MACF1: variants seen among roughly 807,000 people sequenced by gnomAD.
MACF1 encodes the protein microtubule-actin cross-linking factor 1.
Under a neutral mutation model 854.8 loss-of-function variants are expected in MACF1, and 193 were observed. That is an observed-to-expected ratio of 0.23 (90% CI 0.20 to 0.25). MACF1 has a LOEUF of 0.25. MACF1 is among the 10% of genes least tolerant of loss of function. The pLI is 1.00. For missense variants in MACF1, 7,722 were observed against 8,929.1 expected (o/e 0.86, Z 5.45); for synonymous variants, 3,185 against 3,226.7 (o/e 0.99, Z 0.44).
intron 88 of MACF1, 69 bp downstream of exon 88, chr1:39,453,919 T>C (rs1644385757): frequency 1.3e-6 from 2 of 1,497,724 alleles, no homozygotes; most frequent in African/African-American, 1.4e-5. Context: ...GTATAGTATT[T>C]TTCCCCCAGG....
intron 31 of MACF1, 72 bp from the exon 32 acceptor site, chr1:39,322,536 C>G: frequency 1.5e-6 from 2 of 1,301,920 alleles, no homozygotes; most frequent in Non-Finnish European, 2.2e-6. Flanking sequence ...CAATAAAAAG[C>G]TATGATTTAT....
At chr1:39,126,416 A>G (rs185221916) in intron 2 of MACF1, among the ~76,000 whole-genome samples, 1 of 152,314 alleles carries the variant, frequency 6.6e-6, no homozygotes, top group East Asian at 1.9e-4. Context: ...ATTTGTAAAG[A>G]CCCTATTTCC....
At chr1:39,355,128 T>C (rs2148508215) in intron 44 of MACF1, among the ~76,000 whole-genome samples, 1 of 152,364 alleles carries the variant, frequency 6.6e-6, no homozygotes, top group East Asian at 1.9e-4. Context: ...ACCATTGTCA[T>C]ATTTTATATT....
intron 15 of MACF1, among the ~76,000 whole-genome samples, chr1:39,288,859 A>G (rs185991298): frequency 9.8e-5 from 15 of 152,354 alleles, no homozygotes; most frequent in Middle Eastern, 6.8e-3. Context: ...CTGTTGTTCT[A>G]TCAGATGCTA....
chr1:39,146,707 G>A (rs114091382), intron 2 of MACF1, among the ~76,000 whole-genome samples: 6 of 152,034 alleles, frequency 3.9e-5, no homozygotes, highest in Non-Finnish European at 7.4e-5. Context: ...GGGAAGGGGG[G>A]ATGGGGTCAC....
intron 58 of MACF1, among the ~76,000 whole-genome samples, chr1:39,393,199 ATATATAT>A (rs1557628037): frequency 7.1e-5 from 8 of 112,896 alleles, no homozygotes; most frequent in African/African-American, 1.9e-4. Context: ...AAAAAAAAAT[ATATATAT>A]ATATATATAT....
intron 44 of MACF1, among the ~76,000 whole-genome samples, chr1:39,355,460 C>CTTTTTTTTTTTTTTTTTTTT (rs56202498): frequency 6.2e-5 from 5 of 81,054 alleles, no homozygotes; most frequent in Non-Finnish European, 8.9e-5. Context: ...TTTTCTTCTG[C>CTTTTTTTTTTTTTTTTTTTT]TTTTTTTTTT....
intron 38 of MACF1, among the ~76,000 whole-genome samples, chr1:39,338,352 G>A (rs1004060703): frequency 3.3e-5 from 5 of 151,790 alleles, no homozygotes; most frequent in Non-Finnish European, 5.9e-5. Flanking sequence ...TGGATGAGGC[G>A]ATAACTACCT....
chr1:39,276,721 T>C (rs878982290), intron 6 of MACF1, among the ~76,000 whole-genome samples: 1 of 152,344 alleles, frequency 6.6e-6, no homozygotes, highest in South Asian at 2.1e-4. Context: ...CGTTTTTGGC[T>C]ATAAATTTGT....
intron 93 of MACF1, among the ~76,000 whole-genome samples, chr1:39,462,457 C>T (rs1644573243): frequency 6.6e-6 from 1 of 151,922 alleles, no homozygotes; most frequent in African/African-American, 2.4e-5. Context: ...GTAGCTCTAG[C>T]ACTTTGGGAG....
At chr1:39,273,131 ATTT>A (rs561821846) in intron 6 of MACF1, among the ~76,000 whole-genome samples, 5 of 120,448 alleles carry the variant, frequency 4.2e-5, no homozygotes, top group Admixed American at 8.6e-5. Flanking sequence ...CTCTATACCA[ATTT>A]TTTTTTTTTT....
chr1:39,271,331 A>G (rs940273464), intron 6 of MACF1, among the ~76,000 whole-genome samples: 2 of 152,148 alleles, frequency 1.3e-5, no homozygotes, highest in East Asian at 3.9e-4. Flanking sequence ...CAGGAACGAG[A>G]GGTTGTGGGT....
chr1:39,317,374 G>A lies in MACF1; in HGVS notation c.3749G>A (p.Arg1250His), dbSNP rs748609478. 33 of 1,613,032 alleles carry A rather than the reference G, an allele frequency of 2.0e-5. No homozygotes were observed. Among genetic ancestry groups the A allele is most frequent in the African/African-American group, 2.7e-5 (2 of 74,910 alleles). The change falls in exon 29 of 101, where the codon CGT (arginine) becomes CAT (histidine). Residue 1250 changes from arginine to histidine, a missense_variant. Physicochemically the swap from Arg to His is conservative, Grantham distance 29. Transcript: ENST00000564288. ...YQEKGSQLQE[R>H]WHRVIAQLEI... is the part of the protein sequence containing the mutation. ...GAAAAAGGCTCCCAGCTGCAGGAGC[G>A]TTGGCACCGAGTCATTGCCCAGCTC...
intron 26 of MACF1, among the ~76,000 whole-genome samples, chr1:39,311,802 A>G (rs1483653492): frequency 1.3e-5 from 2 of 152,212 alleles, no homozygotes; most frequent in Non-Finnish European, 2.9e-5. Flanking sequence ...TTTCTAGAAC[A>G]TTTCTAATTA....
At chr1:39,449,923 T>C (rs1644304353) in intron 84 of MACF1, among the ~76,000 whole-genome samples, 1 of 151,788 alleles carries the variant, frequency 6.6e-6, no homozygotes, top group African/African-American at 2.4e-5. Flanking sequence ...GCAGTGGCAC[T>C]GTCTCGGGTC....
chr1:39,459,745 T>G, intron 91 of MACF1: 1 of 1,032,520 alleles, frequency 9.7e-7, no homozygotes, highest in South Asian at 1.4e-5. Context: ...ATAAAAAATA[T>G]AGTACTATGC....
At chr1:39,276,321 C>A (rs1429861280) in intron 6 of MACF1, among the ~76,000 whole-genome samples, 1 of 152,024 alleles carries the variant, frequency 6.6e-6, no homozygotes, top group Non-Finnish European at 1.5e-5. Flanking sequence ...TACTTACTTG[C>A]TCAGAACAAC....
intron 26 of MACF1, among the ~76,000 whole-genome samples, chr1:39,311,720 T>C (rs1003049791): frequency 6.6e-6 from 1 of 152,178 alleles, no homozygotes; most frequent in African/African-American, 2.4e-5. Flanking sequence ...GACTTCAGTA[T>C]AAGATATAAG....
intron 14 of MACF1, among the ~76,000 whole-genome samples, chr1:39,286,923 A>G (rs1257718728): frequency 6.6e-6 from 1 of 152,310 alleles, no homozygotes; most frequent in East Asian, 1.9e-4. Context: ...AACACTTTCT[A>G]AACACTTTTC....
Sources: allele counts gnomAD v4.1 joint callset (sites outside exome capture counted in the v4.1 genomes callset), GRCh38; gene constraint gnomAD v4.1.1; transcripts MANE v1.5; gene names NCBI Gene and HGNC (gene_info 2026-07-23, HGNC 2026-07-21).